The following UBE2H variants were observed in gnomAD, a reference collection of about 807,000 sequenced individuals.
The protein encoded by UBE2H is ubiquitin conjugating enzyme E2 H, also known as ubiquitin-conjugating enzyme E2 H.
A neutral mutation model predicts 29.0 loss-of-function variants in UBE2H; 3 were observed. That is an observed-to-expected ratio of 0.10 (90% confidence interval 0.05 to 0.27). The LOEUF (loss-of-function observed/expected upper bound fraction) is 0.27, where lower values mean the gene tolerates loss of function less well. Ranked by LOEUF, UBE2H falls within the 10% of genes least tolerant of loss-of-function variation. UBE2H has a pLI of 1.00. For synonymous variants in UBE2H, 69 were observed against 82.9 expected (o/e 0.83, Z 0.91); for missense variants, 68 against 228.2 (o/e 0.30, Z 4.52).
At position 129,946,044 on chromosome 7, in the gene UBE2H, CCTAGT is replaced by C. The variant is rs1189895706; in HGVS notation, c.53+6454_53+6458del. ...TATAGGCATGAGCCACTGTGCCCAG[CCTAGT>C]CATTATTATTTTTTTTTTTTTGAGA... On this transcript the variant is annotated intron_variant, in intron 1 of 6. Coordinates refer to ENST00000355621, the MANE Select transcript of UBE2H (RefSeq NM_003344.4). Among the ~76,000 whole-genome samples, 6 of 138,684 alleles carry C rather than the reference CCTAGT, an allele frequency of 4.3e-5. No homozygotes were observed. The South Asian group carries it at 1.2e-3, about 28-fold the overall frequency. 91.0% of individuals were successfully genotyped at this position (138,684 alleles called of 152,430 possible). A position where few individuals can be genotyped will look rare whatever the true frequency, so the allele number is the denominator to read the frequency against.
At chr7:129,944,390 AAAC>A (rs746854484) in intron 1 of UBE2H, among the ~76,000 whole-genome samples, 20 of 152,170 alleles carry the variant, frequency 1.3e-4, no homozygotes, top group Non-Finnish European at 2.8e-4. Context: ...CACACAAGTG[AAAC>A]AACCGTTGTC....
intron 5 of UBE2H, among the ~76,000 whole-genome samples, chr7:129,845,390 T>C (rs1409547266): frequency 6.6e-6 from 1 of 152,156 alleles, no homozygotes; most frequent in Non-Finnish European, 1.5e-5. Flanking sequence ...CCCCAAAGAA[T>C]AGACGGGAAG....
At position 129,906,603 on chromosome 7, in the gene UBE2H, T is replaced by C. The variant is rs376968148; in HGVS notation, c.54-25632A>G. ...GTTAAGTATTTGTTAGGTTATCATT[T>C]AATGTCTGCTTTCAACAAGTATGCA... is the stretch of plus-strand genomic sequence containing the variant. On this transcript the variant is annotated intron_variant, in intron 1 of 6. Transcript: ENST00000355621. 5.3e-5 allele frequency among the ~76,000 whole-genome samples: 8 copies of C among 152,292 alleles called. No individual in the cohort carries two copies. In the East Asian group the frequency reaches 1.2e-3, roughly 22 times the overall value.
At chr7:129,912,814 T>G (rs1227732039) in intron 1 of UBE2H, among the ~76,000 whole-genome samples, 1 of 152,220 alleles carries the variant, frequency 6.6e-6, no homozygotes, top group African/African-American at 2.4e-5. Context: ...ATTTGAGAAA[T>G]GAAATGTACA....
chr7:129,874,315 T>C (rs900521164), intron 3 of UBE2H, among the ~76,000 whole-genome samples: 1 of 148,986 alleles, frequency 6.7e-6, no homozygotes, highest in Non-Finnish European at 1.5e-5. Flanking sequence ...TATATAATTT[T>C]TTTTTTTTTT....
In UBE2H at chr7:129,841,075, T is replaced by C. The variant is rs1439926802; in HGVS notation, c.299-1740A>G. On this transcript the variant is annotated intron_variant, in intron 5 of 6. Coordinates refer to ENST00000355621, the MANE Select transcript of UBE2H (RefSeq NM_003344.4). Reference sequence around the variant, plus strand: ...CAACAAAGGATTATCTAGACCAAAATGTCAGCAGTGCTGAGGTTAAGAAAC... The same window carrying C: ...CAACAAAGGATTATCTAGACCAAAACGTCAGCAGTGCTGAGGTTAAGAAAC... 2.0e-5 allele frequency among the ~76,000 whole-genome samples: 3 copies of C among 152,222 alleles called. No individual in the cohort carries two copies. The East Asian group carries it at 5.8e-4, about 29-fold the overall frequency.
intron 1 of UBE2H, among the ~76,000 whole-genome samples, chr7:129,946,897 A>G (rs901198668): frequency 1.3e-5 from 2 of 152,242 alleles, no homozygotes; most frequent in African/African-American, 4.8e-5. Flanking sequence ...CGTTGCAAAC[A>G]TTATAACGTA....
chr7:129,839,476 A>G lies in UBE2H; in HGVS notation c.299-141T>C, dbSNP rs1013264584. Reference sequence around the variant, plus strand: ...ATACGAGTGTGCTCTATTACATGTGACTTGTATTACACATTCATTTCAATA... The same window carrying G: ...ATACGAGTGTGCTCTATTACATGTGGCTTGTATTACACATTCATTTCAATA... On this transcript the variant is annotated intron_variant, in intron 5 of 6. Transcript: ENST00000355621. 6.6e-6 allele frequency: 7 copies of G among 1,064,430 alleles called. No individual in the cohort carries two copies. The African/African-American group carries it at 1.1e-4, about 17-fold the overall frequency. 65.9% of individuals were successfully genotyped at this position (1,064,430 alleles called of 1,614,324 possible).
chr7:129,850,653 T>C (rs1439330870), intron 5 of UBE2H, among the ~76,000 whole-genome samples: 1 of 151,920 alleles, frequency 6.6e-6, no homozygotes, highest in Non-Finnish European at 1.5e-5. Flanking sequence ...CTATCTCTAC[T>C]AAAACCACAA....
At chr7:129,837,092 C>T (rs1178646597) in intron 6 of UBE2H, among the ~76,000 whole-genome samples, 5 of 152,098 alleles carry the variant, frequency 3.3e-5, no homozygotes, top group Admixed American at 1.3e-4. Context: ...TATAATACAG[C>T]GCCAACTAAA....
At chr7:129,852,789 A>T (rs1307883707) in intron 5 of UBE2H, among the ~76,000 whole-genome samples, 3 of 151,878 alleles carry the variant, frequency 2.0e-5, no homozygotes, top group Admixed American at 6.6e-5. Flanking sequence ...GCAATGGTGC[A>T]ATCTGGGCTC....
At chr7:129,868,742 G>A (rs571175472) in intron 3 of UBE2H, among the ~76,000 whole-genome samples, 2 of 152,106 alleles carry the variant, frequency 1.3e-5, no homozygotes, top group South Asian at 4.1e-4. Context: ...ATAACAAGAT[G>A]AAGGTAAATG....
intron 3 of UBE2H, among the ~76,000 whole-genome samples, chr7:129,860,714 G>GT (rs796240053): frequency 0.011 from 1,558 of 142,128 alleles, 9 homozygotes; most frequent in Admixed American, 0.011. Flanking sequence ...GCTGAGTTTT[G>GT]TTTTTTTTTT....
intron 1 of UBE2H, among the ~76,000 whole-genome samples, chr7:129,888,663 C>A (rs561829009): frequency 6.6e-6 from 1 of 152,072 alleles, no homozygotes; most frequent in African/African-American, 2.4e-5. Context: ...TCAGTAGAGA[C>A]GGAGTTTCAC....
chr7:129,834,217 A>G lies in UBE2H; in HGVS notation c.*720T>C, dbSNP rs888192049. 6.6e-6 allele frequency: 1 copy of G among 152,216 alleles called. No individual in the cohort carries two copies. Among genetic ancestry groups the G allele is most frequent in the African/African-American group, 2.4e-5 (1 of 41,468 alleles). The allele number at this position is 152,216 out of a possible 1,614,324, so 9.4% of individuals were successfully genotyped here. On this transcript the variant is annotated 3_prime_UTR_variant, in exon 7 of 7. Transcript: ENST00000355621. Reference sequence around the variant, plus strand: ...GGTCTGGATTTCACGCTCTACCCCAAGAAAAAGAACTGGTTCAGAAAACAC... The same window carrying G: ...GGTCTGGATTTCACGCTCTACCCCAGGAAAAAGAACTGGTTCAGAAAACAC...
At chr7:129,857,280 T>C in intron 5 of UBE2H, 1 of 553,792 alleles carries the variant, frequency 1.8e-6, no homozygotes, top group East Asian at 3.0e-5. Flanking sequence ...CATGTATCAC[T>C]ATACCTTAAG....
rs1807294536 is a variant in UBE2H, at chr7:129,927,471, C to G, written c.53+25032G>C. On this transcript the variant is annotated intron_variant, in intron 1 of 6. Transcript: ENST00000355621. ...CAGAGAATTGCTTGAACCCTGGAGG[C>G]AGAGGTTGCAGTGAGCCGAGATTGC... 2.6e-5 allele frequency among the ~76,000 whole-genome samples: 4 copies of G among 152,292 alleles called. No individual in the cohort carries two copies. In the South Asian group the frequency reaches 8.3e-4, roughly 32 times the overall value.
intron 3 of UBE2H, among the ~76,000 whole-genome samples, chr7:129,869,275 T>C (rs978969570): frequency 4.6e-5 from 7 of 151,998 alleles, no homozygotes; most frequent in African/African-American, 1.5e-4. Flanking sequence ...TTCTATTCCA[T>C]TCCACTTCAT....
rs575263330 is a variant in UBE2H, at chr7:129,895,440, G to T, written c.54-14469C>A. 5.3e-5 allele frequency among the ~76,000 whole-genome samples: 8 copies of T among 152,264 alleles called. 1 individual carries two copies. The East Asian group carries it at 1.5e-3, about 29-fold the overall frequency. ...GAAAACAAATCACAACCTTAAAAAT[G>T]ACAATAGCAACTCACCTTGAAAACT... On this transcript the variant is annotated intron_variant, in intron 1 of 6. Coordinates refer to ENST00000355621, the MANE Select transcript of UBE2H (RefSeq NM_003344.4).
Sources: gnomAD v4.1 joint callset for allele counts (sites outside exome capture counted in the v4.1 genomes callset) on GRCh38, gnomAD v4.1.1 for gene constraint, MANE v1.5 for transcripts, NCBI Gene and HGNC (gene_info 2026-07-23, HGNC 2026-07-21) for gene names.